The following SH3D19 variants were observed in gnomAD, a reference collection of about 807,000 sequenced individuals.
SH3D19 encodes the protein SH3 domain-containing protein 19.
SH3D19 carries 58 observed loss-of-function variants against 112.1 expected under a neutral mutation model. That is an observed-to-expected ratio of 0.52 (90% confidence interval 0.42 to 0.64). The LOEUF is 0.64. Ranked by LOEUF, SH3D19 falls within the 30% of genes least tolerant of loss-of-function variation. The pLI, the probability that SH3D19 is intolerant of heterozygous loss-of-function variation, is 0.00. For synonymous variants in SH3D19, 391 were observed against 448.5 expected (o/e 0.87, Z 1.62); for missense variants, 1,090 against 1,263.4 (o/e 0.86, Z 2.08).
Position 151,143,925 on chromosome 4 carries a change from A to G in SH3D19, c.2208T>C (p.Leu736=). The stretch of plus-strand genomic sequence containing the variant: ...AATTCCTTACGTTTGGTCTGCTTCT[A>G]AGATGTTCATCAAGTGGAGTGATAA... The part of the protein sequence containing the change: ...MKIITPLDEH[L]RSRPNDPSHA... Residue 736 remains leucine (L), a synonymous_variant, in exon 12 of 20, where the codon CTT becomes CTC. Transcript: ENST00000604030. 1 of 1,613,860 alleles carries G rather than the reference A, an allele frequency of 6.2e-7. No homozygotes were observed. The highest frequency in any genetic ancestry group is 8.5e-7 in the Non-Finnish European group (1 of 1,179,926).
At chr4:151,261,128 A>T (rs954975596) in intron 1 of SH3D19, 1 of 152,144 alleles carries the variant, frequency 6.6e-6, no homozygotes, top group Non-Finnish European at 1.5e-5. Context: ...TACTACCAGG[A>T]GATGCTCAAT....
intron 1 of SH3D19, chr4:151,226,337 T>C (rs966153790): frequency 4.6e-5 from 53 of 1,151,144 alleles, no homozygotes; most frequent in Non-Finnish European, 5.1e-5. Flanking sequence ...CATGCATTAT[T>C]TCATTTTATA....
intron 9 of SH3D19, among the ~76,000 whole-genome samples, chr4:151,156,612 A>G (rs542450041): frequency 1.1e-3 from 172 of 152,192 alleles, no homozygotes; most frequent in Non-Finnish European, 1.8e-3. Context: ...GGGGAAAACT[A>G]GATATCCATA....
Position 151,139,795 on chromosome 4 carries a change from A to G in SH3D19, c.2276T>C (p.Val759Ala). The G allele has an allele frequency of 6.2e-7, 1 of 1,614,184 alleles. No homozygotes were observed. Among genetic ancestry groups the G allele is most frequent in the South Asian group, 1.1e-5 (1 of 91,080 alleles). ...PVDSGAPHAV[V>A]LHDFPAEQVD... ...CTTACCTGCTGGGAAATCATGAAGA[A>G]CGACAGCATGAGGAGCACCACTGTC... Residue 759 changes from valine to alanine, a missense_variant, in exon 13 of 20, where the codon GTT becomes GCT. Transcript: ENST00000604030.
At chr4:151,137,908 C>G in intron 13 of SH3D19, 46 bp from the exon 14 acceptor site, 1 of 1,524,100 alleles carries the variant, frequency 6.6e-7, no homozygotes, top group Non-Finnish European at 8.8e-7. Context: ...ATCCTGGTTG[C>G]AGATTTGATA....
At chr4:151,279,762 G>A (rs536977448) in intron 1 of SH3D19, 1 of 1,607,966 alleles carries the variant, frequency 6.2e-7, no homozygotes, top group South Asian at 1.1e-5. Flanking sequence ...AGGACTCCTA[G>A]GTTTCCACAT....
chr4:151,300,385 T>C (rs940814840), intron 1 of SH3D19: 2 of 152,118 alleles, frequency 1.3e-5, no homozygotes, highest in African/African-American at 4.8e-5. Flanking sequence ...TAGCAAATAC[T>C]GAGTTCATAA....
At chr4:151,277,174 TG>T (rs774866079) in intron 1 of SH3D19, 2 of 1,481,944 alleles carry the variant, frequency 1.3e-6, no homozygotes, top group Non-Finnish European at 1.8e-6. Flanking sequence ...GACAGAGACA[TG>T]GGCCCTGCTG....
At chr4:151,124,387 G>A (rs1022911439) in intron 19 of SH3D19, among the ~76,000 whole-genome samples, 1 of 150,860 alleles carries the variant, frequency 6.6e-6, no homozygotes. Flanking sequence ...GATTACAGCC[G>A]TGAGCCACTG....
intron 1 of SH3D19, among the ~76,000 whole-genome samples, chr4:151,230,281 T>C (rs1769509587): frequency 6.6e-6 from 1 of 152,240 alleles, no homozygotes. Flanking sequence ...TCAGGGTGAT[T>C]CTGACTCTAA....
At chr4:151,322,548 A>T (rs1180147362) in intron 1 of SH3D19, among the ~76,000 whole-genome samples, 1 of 151,362 alleles carries the variant, frequency 6.6e-6, no homozygotes, top group Non-Finnish European at 1.5e-5. Flanking sequence ...TTTTAGAATC[A>T]TGCTGAAGAT....
At chr4:151,173,070 T>C (rs1009125632) in intron 7 of SH3D19, among the ~76,000 whole-genome samples, 1 of 152,202 alleles carries the variant, frequency 6.6e-6, no homozygotes, top group African/African-American at 2.4e-5. Flanking sequence ...TTAAAGTATA[T>C]TGTTGACCTT....
At chr4:151,262,655 T>C (rs1439768141) in intron 1 of SH3D19, 1 of 150,444 alleles carries the variant, frequency 6.6e-6, no homozygotes, top group Non-Finnish European at 1.5e-5. Context: ...CTTTGCTCTA[T>C]GTACTGTCTA....
chr4:151,308,257 G>T (rs1265829413), intron 1 of SH3D19, among the ~76,000 whole-genome samples: 1 of 152,204 alleles, frequency 6.6e-6, no homozygotes, highest in Non-Finnish European at 1.5e-5. Flanking sequence ...GCTATGTACT[G>T]AGCACATGTG....
chr4:151,274,322 T>G (rs1561420151), intron 1 of SH3D19, among the ~76,000 whole-genome samples: 1 of 152,212 alleles, frequency 6.6e-6, no homozygotes, highest in Non-Finnish European at 1.5e-5. Context: ...TACTGAGATA[T>G]AGCAAACCTG....
intron 1 of SH3D19, among the ~76,000 whole-genome samples, chr4:151,252,420 AT>A (rs36035770): frequency 0.36 from 54,877 of 151,812 alleles, 10,873 homozygotes; most frequent in Non-Finnish European, 0.44. Flanking sequence ...TTCCTCCTTG[AT>A]ACACTTTCTC....
At chr4:151,243,799 C>T (rs1045992591) in intron 1 of SH3D19, among the ~76,000 whole-genome samples, 6 of 152,160 alleles carry the variant, frequency 3.9e-5, no homozygotes, top group Admixed American at 3.9e-4. Flanking sequence ...AGGAAAATTG[C>T]TATTCTTGGA....
intron 1 of SH3D19, among the ~76,000 whole-genome samples, chr4:151,236,750 T>C (rs1770085703): frequency 6.6e-6 from 1 of 152,110 alleles, no homozygotes; most frequent in Non-Finnish European, 1.5e-5. Context: ...GGTGGGGACT[T>C]GGAGAACTTT....
At position 151,159,283 on chromosome 4, in the gene SH3D19, G is replaced by A; in HGVS notation, c.1712C>T (p.Thr571Ile). The change falls in exon 9 of 20, where the codon ACA becomes ATA. Residue 571 changes from threonine to isoleucine, a missense_variant. Transcript: ENST00000604030. ...AEKPIGNTFS[T>I]VSGKLSNVER... Reference sequence around the variant, plus strand: ...AACATTACTGAGCTTTCCAGATACTGTACTGAAAGTGTTTCCAATAGGTTT... The same window carrying A: ...AACATTACTGAGCTTTCCAGATACTATACTGAAAGTGTTTCCAATAGGTTT... The A allele has an allele frequency of 1.3e-6, 2 of 1,576,474 alleles. No individual in the cohort carries two copies. Among genetic ancestry groups the A allele is most frequent in the Non-Finnish European group, 1.7e-6 (2 of 1,167,484 alleles).
Sources: allele counts gnomAD v4.1 joint callset (sites outside exome capture counted in the v4.1 genomes callset), GRCh38; gene constraint gnomAD v4.1.1; transcripts MANE v1.5; gene names NCBI Gene and HGNC (gene_info 2026-07-23, HGNC 2026-07-21).